The following DERA variants were observed in gnomAD, a reference collection of about 807,000 sequenced individuals.
DERA encodes the protein 2-deoxy-D-ribose 5-phosphate aldolase.
Under a neutral mutation model 41.1 loss-of-function variants are expected in DERA, and 15 were observed. The observed-to-expected ratio is 0.37, with a 90% confidence interval of 0.24 to 0.56. The LOEUF (loss-of-function observed/expected upper bound fraction) is 0.56. DERA is among the 20% of genes least tolerant of loss of function. The pLI, the probability that DERA is intolerant of heterozygous loss-of-function variation, is 0.81. For missense variants in DERA, 396 were observed against 403.4 expected, an observed-to-expected ratio of 0.98 and a Z score of 0.16; for synonymous variants, 139 against 137.4, an observed-to-expected ratio of 1.01 and a Z score of -0.08.
intron 5 of DERA, among the ~76,000 whole-genome samples, chr12:15,974,229 C>T (rs949175928): frequency 6.6e-5 from 10 of 152,134 alleles, no homozygotes; most frequent in African/African-American, 2.2e-4. Context: ...GCATCAAAAT[C>T]AGGAAATTAA....
rs1217045275 is a variant in DERA at position 15,998,327 on chromosome 12, A to G, written c.637+15891A>G. 6.6e-6 allele frequency among the ~76,000 whole-genome samples: 1 copy of G among 151,804 alleles called. No homozygotes were observed. Among genetic ancestry groups the G allele is most frequent in the Non-Finnish European group, 1.5e-5 (1 of 67,956 alleles). Reference sequence around the variant, plus strand: ...AAGTCTTTCCTTTATTTATTTATTTATTTATTTAGAGACGGAGTCTAGCTG... The same window carrying G: ...AAGTCTTTCCTTTATTTATTTATTTGTTTATTTAGAGACGGAGTCTAGCTG... On this transcript the variant is annotated intron_variant, in intron 6 of 8. Coordinates refer to ENST00000428559, the MANE Select transcript of DERA (RefSeq NM_015954.4). This position sits in a 1 kb window ranked among gnomAD's most constrained non-coding sequence, Gnocchi z 4.8.
Position 15,964,445 on chromosome 12 carries a change from T to C in DERA, c.508+1498T>C, listed in dbSNP as rs1948609628. ...TTAAACTCTTGACAGTTCACAAATA[T>C]CTTTTTGTATTTTGTGTTCCTTTTT... On this transcript the variant is annotated intron_variant, in intron 5 of 8. Coordinates refer to ENST00000428559, the MANE Select transcript of DERA (RefSeq NM_015954.4). Among the ~76,000 whole-genome samples, 3 of 152,238 alleles carry C rather than the reference T, an allele frequency of 2.0e-5. No individual in the cohort carries two copies. The South Asian group carries it at 6.2e-4, about 32-fold the overall frequency.
intron 6 of DERA, among the ~76,000 whole-genome samples, chr12:15,987,230 CTTTT>C (rs995016192): frequency 0.027 from 2,323 of 85,164 alleles, 43 homozygotes; most frequent in African/African-American, 0.092. Context: ...TATATATGTA[CTTTT>C]TTTTTTTTTT....
Position 16,014,902 on chromosome 12 carries a change from G to T in DERA, c.638-17640G>T, listed in dbSNP as rs1055194312. ...CAGCGTGACCTTGATATGAGACATG[G>T]AGTCAAAGGAGATCTTTTTGTAGCT... On this transcript the variant is annotated intron_variant, in intron 6 of 8. Coordinates refer to ENST00000428559, the MANE Select transcript of DERA (RefSeq NM_015954.4). The surrounding 1 kb of genome is among the most constrained non-coding windows in gnomAD (Gnocchi z 5.4). Among the ~76,000 whole-genome samples the T allele has an allele frequency of 3.5e-4, 53 of 152,192 alleles. No homozygotes were observed. The highest frequency in any genetic ancestry group is 1.2e-3 in the African/African-American group (51 of 41,452).
chr12:15,969,992 C>T (rs1354151054), intron 5 of DERA, among the ~76,000 whole-genome samples: 1 of 152,116 alleles, frequency 6.6e-6, no homozygotes, highest in African/African-American at 2.4e-5. Context: ...TTCAAAACTT[C>T]AGATACTATT....
Position 15,965,480 on chromosome 12 carries a change from T to C in DERA, c.508+2533T>C, listed in dbSNP as rs1948615892. Among the ~76,000 whole-genome samples, 1 of 152,026 alleles carries C rather than the reference T, an allele frequency of 6.6e-6. No individual in the cohort carries two copies. Among genetic ancestry groups the C allele is most frequent in the South Asian group, 2.1e-4 (1 of 4,818 alleles). On this transcript the variant is annotated intron_variant, in intron 5 of 8. Transcript: ENST00000428559. This position sits in a 1 kb window ranked among gnomAD's most constrained non-coding sequence, Gnocchi z 4.1. Reference sequence around the variant, plus strand: ...CACCCTCCCCCAACAGGCCCCACTGTGTGTTGTTCCCCTCCCTGTGTCCAT... The same window carrying C: ...CACCCTCCCCCAACAGGCCCCACTGCGTGTTGTTCCCCTCCCTGTGTCCAT...
At chr12:16,024,604 T>G (rs1213583231) in intron 6 of DERA, among the ~76,000 whole-genome samples, 1 of 152,172 alleles carries the variant, frequency 6.6e-6, no homozygotes, top group Non-Finnish European at 1.5e-5. Context: ...ACTGAAGTAA[T>G]TAATTGCCAG....
chr12:16,036,433 A>G lies in DERA; in HGVS notation c.900+52A>G. On this transcript the variant is annotated intron_variant, in intron 8 of 8. Coordinates refer to ENST00000428559, the MANE Select transcript of DERA (RefSeq NM_015954.4). The surrounding 1 kb of genome is among the most constrained non-coding windows in gnomAD (Gnocchi z 4.9). ...TAAATTAACAAGTGTTTTTTGAGAA[A>G]GGAATTGAAAAGTCAAATTGAGAAC... The G allele has an allele frequency of 6.5e-7, 1 of 1,540,180 alleles. No individual in the cohort carries two copies. The highest frequency in any genetic ancestry group is 8.7e-7 in the Non-Finnish European group (1 of 1,144,216).
In DERA at chr12:16,035,367, A is replaced by G. The variant is rs1949120314; in HGVS notation, c.751-865A>G. 6.6e-6 allele frequency among the ~76,000 whole-genome samples: 1 copy of G among 152,212 alleles called. No individual in the cohort carries two copies. The highest frequency in any genetic ancestry group is 2.1e-4 in the South Asian group (1 of 4,828). ...CTGAGTGATAAAACGTGAGAGATTTAGTACTCAGGCTCTGAGGTGTTGTTT... is the reference window on the plus strand; with the variant it reads ...CTGAGTGATAAAACGTGAGAGATTTGGTACTCAGGCTCTGAGGTGTTGTTT... On this transcript the variant is annotated intron_variant, in intron 7 of 8. Transcript: ENST00000428559. The surrounding 1 kb of genome is among the most constrained non-coding windows in gnomAD (Gnocchi z 4.1).
Position 15,917,202 on chromosome 12 carries a change from A to G in DERA, c.31+5788A>G, listed in dbSNP as rs148018450. On this transcript the variant is annotated intron_variant, in intron 1 of 8. Transcript: ENST00000428559. ...AAGTTAAAAAAGTCAATTCCTAGTG[A>G]AAAAACAAAAACAAAAAACTAAAAC... Among the ~76,000 whole-genome samples the G allele has an allele frequency of 6.0e-3, 908 of 152,278 alleles. 12 individuals carry two copies. The highest frequency in any genetic ancestry group is 0.019 in the African/African-American group (785 of 41,558).
rs1269609093 is a variant in DERA at position 16,021,925 on chromosome 12, T to C, written c.638-10617T>C. 1.3e-5 allele frequency among the ~76,000 whole-genome samples: 2 copies of C among 152,212 alleles called. No homozygotes were observed. Among genetic ancestry groups the C allele is most frequent in the East Asian group, 1.9e-4 (1 of 5,200 alleles). ...AGGAACTCATCTCCAGATAAGACTT[T>C]GGACTTTAGACTTTGGCATTTTTGA... On this transcript the variant is annotated intron_variant, in intron 6 of 8. Coordinates refer to ENST00000428559, the MANE Select transcript of DERA (RefSeq NM_015954.4). This position sits in a 1 kb window ranked among gnomAD's most constrained non-coding sequence, Gnocchi z 5.3.
Position 15,970,447 on chromosome 12 carries a change from C to G in DERA, c.508+7500C>G, listed in dbSNP as rs1948652096. 6.6e-6 allele frequency among the ~76,000 whole-genome samples: 1 copy of G among 152,040 alleles called. No individual in the cohort carries two copies. The highest frequency in any genetic ancestry group is 1.5e-5 in the Non-Finnish European group (1 of 68,006). ...TTTTGATGTCTAGAGCAGTGCTTTT[C>G]CAGAATACTTAGCAGATTGCCAGCC... On this transcript the variant is annotated intron_variant, in intron 5 of 8. Coordinates refer to ENST00000428559, the MANE Select transcript of DERA (RefSeq NM_015954.4). This position sits in a 1 kb window ranked among gnomAD's most constrained non-coding sequence, Gnocchi z 4.3.
In DERA at chr12:15,984,360, A is replaced by C. The variant is rs560116275; in HGVS notation, c.637+1924A>C. On this transcript the variant is annotated intron_variant, in intron 6 of 8. Coordinates refer to ENST00000428559, the MANE Select transcript of DERA (RefSeq NM_015954.4). This position sits in a 1 kb window ranked among gnomAD's most constrained non-coding sequence, Gnocchi z 4.5. ...ACCCTCCACCCATCCTGTCCACAGA[A>C]AAAAATGTGATTATAAACATGTCCC... Among the ~76,000 whole-genome samples the C allele has an allele frequency of 1.3e-5, 2 of 152,272 alleles. No individual in the cohort carries two copies. Among genetic ancestry groups the C allele is most frequent in the South Asian group, 4.2e-4 (2 of 4,814 alleles).
rs186931187 is a variant in DERA at position 16,011,540 on chromosome 12, A to G, written c.638-21002A>G. Among the ~76,000 whole-genome samples the G allele has an allele frequency of 5.9e-5, 9 of 152,252 alleles. 1 individual carries two copies. The highest frequency in any genetic ancestry group is 4.6e-4 in the Admixed American group (7 of 15,286). On this transcript the variant is annotated intron_variant, in intron 6 of 8. Transcript: ENST00000428559. This position sits in a 1 kb window ranked among gnomAD's most constrained non-coding sequence, Gnocchi z 4.7. ...GATGCTCTACTTGTACCTTGCTTGT[A>G]TTGAGGTTCCATTTCCCCCTTCCCT...
rs1473795282 is a variant in DERA at position 15,957,533 on chromosome 12, G to T, written c.129+500G>T. ...GTACTTGCGGTCAGCATTTTCTTCA[G>T]TGTATCCCAACCAAAGACGTGCTGT... On this transcript the variant is annotated intron_variant, in intron 2 of 8. Transcript: ENST00000428559. This position sits in a 1 kb window ranked among gnomAD's most constrained non-coding sequence, Gnocchi z 4.8. Among the ~76,000 whole-genome samples, 4 of 152,130 alleles carry T rather than the reference G, an allele frequency of 2.6e-5. No homozygotes were observed. The highest frequency in any genetic ancestry group is 2.1e-4 in the South Asian group (1 of 4,832).
chr12:16,017,725 A>G lies in DERA; in HGVS notation c.638-14817A>G, dbSNP rs1313434971. ...TGCTTAATTTTTTTCCAAGTGTCCC[A>G]TTGCAGATTGCAAGTATAAGTTAGT... On this transcript the variant is annotated intron_variant, in intron 6 of 8. Coordinates refer to ENST00000428559, the MANE Select transcript of DERA (RefSeq NM_015954.4). The surrounding 1 kb of genome is among the most constrained non-coding windows in gnomAD (Gnocchi z 5.5). 6.6e-6 allele frequency among the ~76,000 whole-genome samples: 1 copy of G among 152,330 alleles called. No homozygotes were observed. The highest frequency in any genetic ancestry group is 1.9e-4 in the East Asian group (1 of 5,188).
rs372067779 is a variant in DERA at position 15,941,539 on chromosome 12, C to T, written c.32-15397C>T. ...TTCCTCACCCCTCCCTATTCTCTCCCGCTGAATCCTCAGAGTTCGCTATAT... is the reference window on the plus strand; with the variant it reads ...TTCCTCACCCCTCCCTATTCTCTCCTGCTGAATCCTCAGAGTTCGCTATAT... On this transcript the variant is annotated intron_variant, in intron 1 of 8. Transcript: ENST00000428559. This position sits in a 1 kb window ranked among gnomAD's most constrained non-coding sequence, Gnocchi z 4.5. Among the ~76,000 whole-genome samples the T allele has an allele frequency of 5.9e-5, 9 of 152,106 alleles. No homozygotes were observed. Among genetic ancestry groups the T allele is most frequent in the African/African-American group, 1.7e-4 (7 of 41,394 alleles).
In DERA at chr12:15,911,738, A is replaced by C; in HGVS notation, c.31+324A>C. 3 of 600,988 alleles carry C rather than the reference A, an allele frequency of 5.0e-6. No homozygotes were observed. Among genetic ancestry groups the C allele is most frequent in the East Asian group, 3.6e-5 (1 of 27,878 alleles). 37.2% of individuals were successfully genotyped at this position (600,988 alleles called of 1,614,324 possible). A position where few individuals can be genotyped will look rare whatever the true frequency, so the allele number is the denominator to read the frequency against. On this transcript the variant is annotated intron_variant, in intron 1 of 8. Coordinates refer to ENST00000428559, the MANE Select transcript of DERA (RefSeq NM_015954.4). The surrounding 1 kb of genome is among the most constrained non-coding windows in gnomAD (Gnocchi z 4.5). ...AACCCAAAAAACAAAACCCAAAACA[A>C]ACAACCCCCAAGCAGGTAAAAACAG... is the stretch of plus-strand genomic sequence containing the variant.
chr12:15,924,253 T>TC lies in DERA; in HGVS notation c.31+12841dup, dbSNP rs1486603383. Among the ~76,000 whole-genome samples, 7 of 152,108 alleles carry TC rather than the reference T, an allele frequency of 4.6e-5. No homozygotes were observed. Reference sequence around the variant, plus strand: ...GATTAGCCTGGGCAATATAGCAGACTCCAACAAAAAGTTTCAAAATTAGCT... The same window carrying TC: ...GATTAGCCTGGGCAATATAGCAGACTCCCAACAAAAAGTTTCAAAATTAGCT... On this transcript the variant is annotated intron_variant, in intron 1 of 8. Coordinates refer to ENST00000428559, the MANE Select transcript of DERA (RefSeq NM_015954.4). The surrounding 1 kb of genome is among the most constrained non-coding windows in gnomAD (Gnocchi z 5.0).
Sources: allele counts gnomAD v4.1 joint callset (sites outside exome capture counted in the v4.1 genomes callset), GRCh38; gene constraint gnomAD v4.1.1; non-coding constraint Gnocchi (gnomAD v3.1); transcripts MANE v1.5; gene names NCBI Gene and HGNC (gene_info 2026-07-23, HGNC 2026-07-21).